FAT3: variants seen among roughly 807,000 people sequenced by gnomAD.
FAT3 encodes the protein FAT atypical cadherin 3.
A neutral mutation model predicts 310.2 loss-of-function variants in FAT3; 95 were observed. The observed-to-expected ratio is 0.31, with a 90% CI of 0.26 to 0.36. FAT3 has a LOEUF of 0.36. Among genes scored for constraint, FAT3 ranks in the 10% least tolerant of loss-of-function variants. FAT3 has a pLI of 1.00. For missense variants in FAT3, 5,408 were observed against 5,715.6 expected (o/e 0.95, Z 1.74); for synonymous variants, 2,314 against 2,192.9 (o/e 1.06, Z -1.54).
At chr11:92,433,650 G>C (rs530063344) in intron 2 of FAT3, among the ~76,000 whole-genome samples, 2 of 152,252 alleles carry the variant, frequency 1.3e-5, no homozygotes, top group East Asian at 3.9e-4. Flanking sequence ...GTCTCACCGG[G>C]AGCTGCAGAC....
intron 4 of FAT3, among the ~76,000 whole-genome samples, chr11:92,740,557 G>A (rs1460414469): frequency 6.6e-6 from 1 of 152,144 alleles, no homozygotes; most frequent in East Asian, 1.9e-4. Context: ...AATGTTAACT[G>A]GGAGTGGAGT....
chr11:92,629,411 C>CTTTTTTTTTTTTTTTTTTTTT (rs34017336), intron 3 of FAT3, among the ~76,000 whole-genome samples: 1 of 126,058 alleles, frequency 7.9e-6, no homozygotes. Context: ...CTTCCCCTAC[C>CTTTTTTTTTTTTTTTTTTTTT]TTTTTTTTTT....
At chr11:92,499,190 A>G (rs1952855461) in intron 2 of FAT3, among the ~76,000 whole-genome samples, 1 of 152,002 alleles carries the variant, frequency 6.6e-6, no homozygotes, top group Admixed American at 6.6e-5. Context: ...AAGGGAAGAG[A>G]ATGGTAAGTG....
chr11:92,604,289 T>C (rs114902724), intron 3 of FAT3, among the ~76,000 whole-genome samples: 1,751 of 152,322 alleles, frequency 0.011, 40 homozygotes, highest in African/African-American at 0.04. Context: ...GAGATTATTT[T>C]CTTCTTTTTA....
chr11:92,625,957 G>A (rs1028545404), intron 3 of FAT3, among the ~76,000 whole-genome samples: 2 of 152,150 alleles, frequency 1.3e-5, no homozygotes, highest in Non-Finnish European at 2.9e-5. Context: ...TAAGTGACTT[G>A]CCAAATTGCC....
At chr11:92,383,392 T>C (rs1190730839) in intron 2 of FAT3, among the ~76,000 whole-genome samples, 2 of 152,244 alleles carry the variant, frequency 1.3e-5, no homozygotes, top group African/African-American at 4.8e-5. Context: ...GCATTCCAGA[T>C]GATTCTAATG....
At chr11:92,701,475 C>T (rs1005948373) in intron 4 of FAT3, among the ~76,000 whole-genome samples, 1 of 152,210 alleles carries the variant, frequency 6.6e-6, no homozygotes, top group African/African-American at 2.4e-5. Context: ...CAGCAAAGAA[C>T]TGTAGGCAAA....
At chr11:92,419,165 A>C (rs1161579653) in intron 2 of FAT3, among the ~76,000 whole-genome samples, 1 of 152,050 alleles carries the variant, frequency 6.6e-6, no homozygotes, top group Non-Finnish European at 1.5e-5. Flanking sequence ...TCCTTTGGAA[A>C]CCAGAGCTAC....
intron 3 of FAT3, among the ~76,000 whole-genome samples, chr11:92,694,174 C>G (rs1350837154): frequency 6.6e-6 from 1 of 152,126 alleles, no homozygotes; most frequent in Non-Finnish European, 1.5e-5. Flanking sequence ...CATTTTCATC[C>G]CTTCAAAAAG....
intron 3 of FAT3, among the ~76,000 whole-genome samples, chr11:92,608,793 A>G (rs182625817): frequency 1.4e-3 from 206 of 152,072 alleles, no homozygotes; most frequent in South Asian, 9.3e-3. Context: ...ATCAATGCCT[A>G]GGGAACAGCA....
chr11:92,642,857 G>A (rs1391922535), intron 3 of FAT3, among the ~76,000 whole-genome samples: 1 of 152,166 alleles, frequency 6.6e-6, no homozygotes, highest in Admixed American at 6.5e-5. Context: ...CTCCTTTGCA[G>A]AGTAAAACAA....
At chr11:92,265,217 T>G (rs1389961343) in intron 1 of FAT3, among the ~76,000 whole-genome samples, 2 of 151,790 alleles carry the variant, frequency 1.3e-5, no homozygotes, top group African/African-American at 2.4e-5. Context: ...ATTTGCGTGA[T>G]AGAAAACACA....
At chr11:92,505,934 T>C (rs974553524) in intron 2 of FAT3, among the ~76,000 whole-genome samples, 1 of 152,134 alleles carries the variant, frequency 6.6e-6, no homozygotes, top group Non-Finnish European at 1.5e-5. Context: ...CCCTGGGGGA[T>C]ATTACAGTCT....
rs1232523119 is a variant in FAT3 at position 92,307,643 on chromosome 11, A to G, written c.-17-44453A>G. On this transcript the variant is annotated intron_variant, in intron 1 of 27. Transcript: ENST00000525166. ...TATCTCTCAGATAAGCTCACAGCCC[A>G]AGGTTCTTCAACCTTGTACAAGACC... Among the ~76,000 whole-genome samples the G allele has an allele frequency of 3.3e-5, 5 of 152,150 alleles. No homozygotes were observed. The East Asian group carries it at 9.7e-4, about 29-fold the overall frequency.
chr11:92,602,535 G>A (rs1591508629), intron 3 of FAT3, among the ~76,000 whole-genome samples: 1 of 152,344 alleles, frequency 6.6e-6, no homozygotes, highest in South Asian at 2.1e-4. Context: ...CAGGCAGTTT[G>A]ACTTTTGAGT....
intron 22 of FAT3, among the ~76,000 whole-genome samples, chr11:92,876,036 C>T (rs1281445726): frequency 6.6e-6 from 1 of 152,082 alleles, no homozygotes; most frequent in Non-Finnish European, 1.5e-5. Context: ...CTGGACCGCC[C>T]CTCCTTGACC....
At chr11:92,456,295 A>T (rs1487913687) in intron 2 of FAT3, among the ~76,000 whole-genome samples, 1 of 152,190 alleles carries the variant, frequency 6.6e-6, no homozygotes, top group African/African-American at 2.4e-5. Flanking sequence ...TGTTTATAAT[A>T]TTATTACTTA....
intron 3 of FAT3, among the ~76,000 whole-genome samples, chr11:92,694,571 G>T (rs1415775044): frequency 2.0e-5 from 3 of 152,154 alleles, no homozygotes; most frequent in South Asian, 4.1e-4. Context: ...CTAAAGAATC[G>T]CCCTGAGAAT....
At chr11:92,480,657 A>T (rs2135191838) in intron 2 of FAT3, among the ~76,000 whole-genome samples, 1 of 152,334 alleles carries the variant, frequency 6.6e-6, no homozygotes, top group South Asian at 2.1e-4. Context: ...TTTTCCTGGG[A>T]GATCAGAGAG....
Sources: allele counts gnomAD v4.1 joint callset (sites outside exome capture counted in the v4.1 genomes callset), GRCh38; gene constraint gnomAD v4.1.1; transcripts MANE v1.5; gene names NCBI Gene and HGNC (gene_info 2026-07-23, HGNC 2026-07-21).